Variants in PTPRD observed in about 807,000 individuals in gnomAD.
PTPRD encodes the protein receptor-type tyrosine-protein phosphatase delta.
A neutral mutation model predicts 214.5 loss-of-function variants in PTPRD; 34 were observed. The ratio of observed to expected loss-of-function variants is 0.16; its 90% CI spans 0.12 to 0.21. PTPRD has a LOEUF of 0.21. Among genes scored for constraint, PTPRD ranks in the 10% least tolerant of loss-of-function variants. PTPRD has a pLI of 1.00. For missense variants in PTPRD, 2,545 were observed against 2,398.7 expected, an observed-to-expected ratio of 1.06 and a Z score of -1.27; for synonymous variants, 1,128 against 845.7, an observed-to-expected ratio of 1.33 and a Z score of -5.79.
intron 42 of PTPRD, 28 bp from the exon 43 acceptor site, chr9:8,339,075 C>G (rs2132243169): frequency 1.2e-6 from 2 of 1,601,662 alleles, no homozygotes; most frequent in Middle Eastern, 1.7e-4. Context: ...TAATGTTAAA[C>G]TATGCAAAGT....
rs749520937 is a variant in PTPRD at position 9,218,267 on chromosome 9, C to T, written c.-202-34904G>A. Among the ~76,000 whole-genome samples the T allele has an allele frequency of 1.3e-4, 20 of 152,076 alleles. 1 individual carries two copies. The highest frequency in any genetic ancestry group is 2.5e-4 in the Non-Finnish European group (17 of 68,018). On this transcript the variant is annotated intron_variant, in intron 9 of 45. Transcript: ENST00000381196. Reference sequence around the variant, plus strand: ...TCTCTTTATATTTTTCTAATCAAGCCTATGCAACTCATAGATCCGGATTAG... The same window carrying T: ...TCTCTTTATATTTTTCTAATCAAGCTTATGCAACTCATAGATCCGGATTAG...
chr9:9,299,867 A>C (rs1442030837), intron 9 of PTPRD, among the ~76,000 whole-genome samples: 2 of 151,244 alleles, frequency 1.3e-5, no homozygotes, highest in African/African-American at 2.4e-5. Context: ...AAAACTTCTT[A>C]CTGATTAATC....
intron 9 of PTPRD, among the ~76,000 whole-genome samples, chr9:9,316,519 A>T (rs1963224361): frequency 1.3e-5 from 2 of 152,150 alleles, no homozygotes; most frequent in South Asian, 4.1e-4. Flanking sequence ...GTTGGACATG[A>T]TTAACCAAAT....
chr9:8,403,727 A>T (rs2092687672), intron 36 of PTPRD, among the ~76,000 whole-genome samples: 1 of 152,242 alleles, frequency 6.6e-6, no homozygotes, highest in South Asian at 2.1e-4. Context: ...ATTACCAAGC[A>T]GTCCACAAAT....
chr9:9,586,262 G>T lies in PTPRD; in HGVS notation c.-286-11481C>A, dbSNP rs1038663904. On this transcript the variant is annotated intron_variant, in intron 7 of 45. Coordinates refer to ENST00000381196, the MANE Select transcript of PTPRD (RefSeq NM_002839.4). Reference sequence around the variant, plus strand: ...AGTTTTGCTGTAGACCTCATTATTTGGTTCTTGAGATCAGATTGTCTCATC... The same window carrying T: ...AGTTTTGCTGTAGACCTCATTATTTTGTTCTTGAGATCAGATTGTCTCATC... Among the ~76,000 whole-genome samples the T allele has an allele frequency of 6.6e-5, 10 of 151,904 alleles. No individual in the cohort carries two copies. The South Asian group carries it at 1.7e-3, about 25-fold the overall frequency.
chr9:10,099,480 T>C (rs527362525), intron 3 of PTPRD, among the ~76,000 whole-genome samples: 1 of 151,834 alleles, frequency 6.6e-6, no homozygotes, highest in Non-Finnish European at 1.5e-5. Flanking sequence ...TCCCAGCATA[T>C]AGTAAATACA....
intron 12 of PTPRD, among the ~76,000 whole-genome samples, chr9:8,637,477 G>C (rs1283703669): frequency 1.3e-5 from 2 of 152,174 alleles, no homozygotes; most frequent in Non-Finnish European, 2.9e-5. Flanking sequence ...CAAAGTCATA[G>C]TAAAGCAAAG....
At chr9:9,461,436 C>A (rs1032545778) in intron 8 of PTPRD, among the ~76,000 whole-genome samples, 3 of 151,850 alleles carry the variant, frequency 2.0e-5, no homozygotes, top group African/African-American at 7.3e-5. Context: ...TCTCTCAAGT[C>A]AAGTAGCCCA....
At chr9:10,579,107 T>C (rs2070726446) in intron 2 of PTPRD, among the ~76,000 whole-genome samples, 1 of 152,054 alleles carries the variant, frequency 6.6e-6, no homozygotes, top group African/African-American at 2.4e-5. Flanking sequence ...TGATGTGTGT[T>C]GTTCCCCTCC....
chr9:9,262,985 T>C (rs2099980803), intron 9 of PTPRD, among the ~76,000 whole-genome samples: 1 of 151,626 alleles, frequency 6.6e-6, no homozygotes, highest in Non-Finnish European at 1.5e-5. Flanking sequence ...TGCAAACACA[T>C]CTGATACATA....
intron 12 of PTPRD, among the ~76,000 whole-genome samples, chr9:8,642,628 G>A (rs1307579489): frequency 1.3e-5 from 2 of 152,050 alleles, no homozygotes; most frequent in East Asian, 3.9e-4. Context: ...TTTGGGGTCT[G>A]GTGGGAAATG....
intron 2 of PTPRD, among the ~76,000 whole-genome samples, chr9:10,376,109 T>C (rs946355068): frequency 6.6e-6 from 1 of 152,020 alleles, no homozygotes; most frequent in African/African-American, 2.4e-5. Flanking sequence ...TCATATTTAA[T>C]GTGCTTCCCT....
chr9:10,428,606 C>T (rs940096218), intron 2 of PTPRD, among the ~76,000 whole-genome samples: 5 of 151,950 alleles, frequency 3.3e-5, no homozygotes, highest in African/African-American at 1.2e-4. Flanking sequence ...TCTCATGTCA[C>T]ATATAGGTTC....
chr9:9,445,912 T>C (rs953129325), intron 8 of PTPRD, among the ~76,000 whole-genome samples: 3 of 152,164 alleles, frequency 2.0e-5, no homozygotes, highest in Non-Finnish European at 2.9e-5. Flanking sequence ...GTGTAAGAAA[T>C]GGTTCCTTAG....
intron 8 of PTPRD, among the ~76,000 whole-genome samples, chr9:9,479,192 CACAT>C (rs937276297): frequency 7.0e-6 from 1 of 143,566 alleles, no homozygotes; most frequent in Non-Finnish European, 1.5e-5. Flanking sequence ...AAATAAGTCA[CACAT>C]ACATACATAC....
Position 8,919,914 on chromosome 9 carries a change from GTGGATGC to G in PTPRD, c.-104+98776_-104+98782del, listed in dbSNP as rs2098814957. ...TAGATGTACATGCATGTATGCATAA[GTGGATGC>G]ATGTGCATGCATGTATGCATGTACA... On this transcript the variant is annotated intron_variant, in intron 11 of 45. Transcript: ENST00000381196. Among the ~76,000 whole-genome samples, 3 of 122,154 alleles carry G rather than the reference GTGGATGC, an allele frequency of 2.5e-5. No individual in the cohort carries two copies. The East Asian group carries it at 8.4e-4, about 34-fold the overall frequency. 80.1% of individuals were successfully genotyped at this position (122,154 alleles called of 152,430 possible). A position where few individuals can be genotyped will look rare whatever the true frequency, so the allele number is the denominator to read the frequency against.
chr9:9,926,460 T>C (rs2084347857), intron 5 of PTPRD, among the ~76,000 whole-genome samples: 1 of 152,020 alleles, frequency 6.6e-6, no homozygotes, highest in African/African-American at 2.4e-5. Context: ...GAAAGAGGAC[T>C]CAGATCTTGG....
chr9:10,124,994 A>G (rs1371364266), intron 3 of PTPRD, among the ~76,000 whole-genome samples: 1 of 152,160 alleles, frequency 6.6e-6, no homozygotes, highest in Non-Finnish European at 1.5e-5. Flanking sequence ...CACATAGCTC[A>G]TGACAGAAAA....
chr9:8,845,835 A>T (rs920132716), intron 11 of PTPRD, among the ~76,000 whole-genome samples: 1 of 152,226 alleles, frequency 6.6e-6, no homozygotes, highest in Non-Finnish European at 1.5e-5. Context: ...GCCAGAACCG[A>T]GATCAATTTT....
Sources: gnomAD v4.1 joint callset for allele counts (sites outside exome capture counted in the v4.1 genomes callset) on GRCh38, gnomAD v4.1.1 for gene constraint, MANE v1.5 for transcripts, NCBI Gene and HGNC (gene_info 2026-07-23, HGNC 2026-07-21) for gene names.